Variants in RIMS2 observed in about 807,000 individuals in gnomAD.
RIMS2 encodes regulating synaptic membrane exocytosis protein 2.
RIMS2 carries 59 observed loss-of-function variants against 174.4 expected under a neutral mutation model. The observed-to-expected ratio is 0.34, with a 90% confidence interval of 0.27 to 0.42. The LOEUF (loss-of-function observed/expected upper bound fraction) is 0.42. Ranked by LOEUF, RIMS2 falls within the 10% of genes least tolerant of loss-of-function variation. The probability of loss-of-function intolerance (pLI) is 1.00; values close to 1 mark genes in which losing one functional copy is unlikely to be tolerated. For missense variants in RIMS2, 1,620 were observed against 1,666.3 expected (o/e 0.97, Z 0.48); for synonymous variants, 606 against 572.5 (o/e 1.06, Z -0.84).
At position 103,975,343 on chromosome 8, in the gene RIMS2, C is replaced by T. The variant is rs778578127; in HGVS notation, c.2771-7C>T. ...AACTATAATATTTATTAATTTTCTA[C>T]CTTTAGATTATCGACATGATGGTCG... On this transcript the variant is annotated splice_polypyrimidine_tract_variant and splice_region_variant and intron_variant, in intron 15 of 23. Transcript: ENST00000504942. 1 of 1,603,152 alleles carries T rather than the reference C, an allele frequency of 6.2e-7. No individual in the cohort carries two copies. The highest frequency in any genetic ancestry group is 8.5e-7 in the Non-Finnish European group (1 of 1,170,546).
intron 3 of RIMS2, among the ~76,000 whole-genome samples, chr8:103,813,737 C>G (rs78701845): frequency 0.037 from 5,700 of 152,178 alleles, 201 homozygotes; most frequent in East Asian, 0.15. Context: ...TGAACTCATC[C>G]TTTTTTATGG....
At chr8:104,089,595 G>T (rs779418408) in intron 19 of RIMS2, among the ~76,000 whole-genome samples, 41 of 151,886 alleles carry the variant, frequency 2.7e-4, no homozygotes, top group Non-Finnish European at 5.2e-4. Context: ...ATGTCTATTT[G>T]TAATAGAAAC....
At chr8:103,875,118 AT>A (rs1167683321) in intron 3 of RIMS2, among the ~76,000 whole-genome samples, 2 of 151,910 alleles carry the variant, frequency 1.3e-5, no homozygotes, top group Non-Finnish European at 2.9e-5. Context: ...AAGAGATTAA[AT>A]TTTTTTATTT....
intron 19 of RIMS2, among the ~76,000 whole-genome samples, chr8:104,227,909 G>A (rs983600713): frequency 6.6e-6 from 1 of 151,826 alleles, no homozygotes; most frequent in Non-Finnish European, 1.5e-5. Context: ...AGAAAACTGA[G>A]GAAAGAGTCT....
chr8:104,093,679 G>T, intron 19 of RIMS2, 36 bp downstream of exon 24: 1 of 1,464,988 alleles, frequency 6.8e-7, no homozygotes, highest in Non-Finnish European at 9.3e-7. Flanking sequence ...CTCTAAATAT[G>T]TTTTAGAAGG....
chr8:103,975,637 A>G, intron 16 of RIMS2, 131 bp downstream of exon 18: 1 of 604,410 alleles, frequency 1.7e-6, no homozygotes, highest in South Asian at 2.6e-5. Context: ...TATGATTATA[A>G]GACAAAGTCC....
At position 103,783,602 on chromosome 8, in the gene RIMS2, A is replaced by C. The variant is rs911543076; in HGVS notation, c.698+17065A>C. ...TCCCTACAAAGGACATGAACTCATC[A>C]TTTTTTATGGCTGCATAGTATTCCA... On this transcript the variant is annotated intron_variant, in intron 3 of 23. Transcript: ENST00000504942. Among the ~76,000 whole-genome samples, 9 of 151,774 alleles carry C rather than the reference A, an allele frequency of 5.9e-5. No individual in the cohort carries two copies. The South Asian group carries it at 6.2e-4, about 11-fold the overall frequency.
intron 1 of RIMS2, among the ~76,000 whole-genome samples, chr8:103,636,626 G>T (rs1257586978): frequency 6.6e-6 from 1 of 152,102 alleles, no homozygotes. Context: ...GGGTCAGGTT[G>T]TTTTCCTGAT....
chr8:103,789,012 CG>C (rs1256161272), intron 3 of RIMS2, among the ~76,000 whole-genome samples: 7 of 152,168 alleles, frequency 4.6e-5, no homozygotes, highest in Admixed American at 3.3e-4. Flanking sequence ...GCGCAGTATT[CG>C]GGTGGGAGTG....
At chr8:104,132,000 A>G (rs2098477774) in intron 19 of RIMS2, among the ~76,000 whole-genome samples, 1 of 152,216 alleles carries the variant, frequency 6.6e-6, no homozygotes, top group Non-Finnish European at 1.5e-5. Flanking sequence ...GGATAAAAGT[A>G]AAGATTCTAA....
chr8:103,702,335 T>A (rs2097176232), intron 2 of RIMS2, among the ~76,000 whole-genome samples: 1 of 152,180 alleles, frequency 6.6e-6, no homozygotes, highest in African/African-American at 2.4e-5. Context: ...CAGTTATTAA[T>A]CCCTTATTGG....
intron 17 of RIMS2, chr8:103,998,137 C>A: frequency 7.4e-7 from 1 of 1,349,988 alleles, no homozygotes; most frequent in Admixed American, 2.0e-5. Context: ...TTTTTTTTCA[C>A]TTCTTTCTTG....
In RIMS2 at chr8:104,014,499, T is replaced by A; in HGVS notation, c.3225-7T>A. The A allele has an allele frequency of 6.5e-7, 1 of 1,530,112 alleles. No individual in the cohort carries two copies. Among genetic ancestry groups the A allele is most frequent in the Non-Finnish European group, 9.0e-7 (1 of 1,106,040 alleles). The allele number at this position is 1,530,112 out of a possible 1,614,324, so 94.8% of individuals were successfully genotyped here. A position where few individuals can be genotyped will look rare whatever the true frequency, so the allele number is the denominator to read the frequency against. On this transcript the variant is annotated splice_polypyrimidine_tract_variant and splice_region_variant and intron_variant, in intron 18 of 23. Coordinates refer to ENST00000504942, the Ensembl canonical transcript of RIMS2. ...ACTGAAAATGAATATTAATGGTGTG[T>A]CTTTAGGTCTCATCCTCGTACTGGG... is the stretch of plus-strand genomic sequence containing the variant.
At chr8:104,015,272 A>C (rs1215490034) in intron 19 of RIMS2, among the ~76,000 whole-genome samples, 2 of 152,286 alleles carry the variant, frequency 1.3e-5, no homozygotes, top group East Asian at 3.9e-4. Flanking sequence ...TTTGCAAATA[A>C]TACATATAAG....
At chr8:103,572,292 G>A (rs2092880082) in intron 1 of RIMS2, among the ~76,000 whole-genome samples, 1 of 152,216 alleles carries the variant, frequency 6.6e-6, no homozygotes, top group Non-Finnish European at 1.5e-5. Flanking sequence ...ACCTGAGCGG[G>A]TTGCTGCTGC....
intron 14 of RIMS2, among the ~76,000 whole-genome samples, chr8:103,958,397 C>A (rs2088403263): frequency 6.6e-6 from 1 of 151,974 alleles, no homozygotes; most frequent in South Asian, 2.1e-4. Context: ...ACCCTGGGGT[C>A]TACTTGAGGG....
intron 19 of RIMS2, among the ~76,000 whole-genome samples, chr8:104,140,350 T>C (rs577718057): frequency 6.6e-6 from 1 of 152,260 alleles, no homozygotes; most frequent in South Asian, 2.1e-4. Context: ...CCAGTGAAAT[T>C]TCATAACACT....
intron 1 of RIMS2, among the ~76,000 whole-genome samples, chr8:103,581,103 C>T (rs2093594357): frequency 6.6e-6 from 1 of 152,056 alleles, no homozygotes; most frequent in African/African-American, 2.4e-5. Context: ...CAGGAATGAG[C>T]CACCACACCT....
chr8:103,702,671 A>C (rs767822658), intron 2 of RIMS2, among the ~76,000 whole-genome samples: 4 of 152,084 alleles, frequency 2.6e-5, no homozygotes, highest in Non-Finnish European at 5.9e-5. Flanking sequence ...ACAGTCCTTT[A>C]CCTGGTGGAT....
Sources: allele counts gnomAD v4.1 joint callset (sites outside exome capture counted in the v4.1 genomes callset), GRCh38; gene constraint gnomAD v4.1.1; transcripts MANE v1.5; gene names NCBI Gene and HGNC (gene_info 2026-07-23, HGNC 2026-07-21).